The following AGMO variants were observed in gnomAD, a reference collection of about 807,000 sequenced individuals.
AGMO encodes the protein glyceryl-ether monooxygenase.
A neutral mutation model predicts 60.2 loss-of-function variants in AGMO; 75 were observed. The ratio of observed to expected loss-of-function variants is 1.25; its 90% CI spans 1.03 to 1.51. AGMO has a LOEUF of 1.51. AGMO is among the 40% of genes most tolerant of loss of function. AGMO has a pLI of 0.00. For synonymous variants in AGMO, 261 were observed against 177.1 expected (o/e 1.47, Z -3.76); for missense variants, 763 against 525.5 (o/e 1.45, Z -4.42).
chr7:15,549,006 A>G (rs1234428430), intron 2 of AGMO, among the ~76,000 whole-genome samples: 7 of 151,018 alleles, frequency 4.6e-5, no homozygotes, highest in East Asian at 1.9e-4. Context: ...AGTGGGGGCC[A>G]ATATTCAACA....
the AGMO span, among the ~76,000 whole-genome samples, chr7:15,162,951 C>T: frequency 1.3e-5 from 2 of 152,004 alleles, no homozygotes; most frequent in Non-Finnish European, 2.9e-5. Flanking sequence ...AATGCATTAC[C>T]ATGGGATGTT....
chr7:15,201,417 C>A, intron 12 of AGMO, 58 bp from the exon 13 acceptor site: 1 of 1,203,024 alleles, frequency 8.3e-7, no homozygotes, highest in South Asian at 1.3e-5. Flanking sequence ...TACTATTGCT[C>A]AACTGAATTA....
At chr7:15,322,466 A>AT (rs1781141403) in intron 12 of AGMO, among the ~76,000 whole-genome samples, 10 of 79,290 alleles carry the variant, frequency 1.3e-4, no homozygotes, top group Admixed American at 2.0e-4. Context: ...AAATATATAT[A>AT]AATATATAAA....
At chr7:15,349,050 A>G (rs955554895) in intron 12 of AGMO, among the ~76,000 whole-genome samples, 29 of 152,268 alleles carry the variant, frequency 1.9e-4, no homozygotes, top group Middle Eastern at 3.4e-3. Context: ...TCAATGATTT[A>G]TAAGTAACAC....
intron 3 of AGMO, among the ~76,000 whole-genome samples, chr7:15,443,745 C>T (rs753060483): frequency 6.6e-6 from 1 of 152,098 alleles, no homozygotes; most frequent in Non-Finnish European, 1.5e-5. Context: ...TTTACATTTT[C>T]AAATACCTGA....
chr7:15,284,241 C>T (rs766355500), intron 12 of AGMO, among the ~76,000 whole-genome samples: 4 of 151,674 alleles, frequency 2.6e-5, no homozygotes, highest in Non-Finnish European at 5.9e-5. Flanking sequence ...CAAAGCAGAA[C>T]AAAATAAAAT....
intron 12 of AGMO, among the ~76,000 whole-genome samples, chr7:15,355,032 G>T (rs1267979545): frequency 6.6e-6 from 1 of 152,010 alleles, no homozygotes; most frequent in African/African-American, 2.4e-5. Flanking sequence ...TTGAAGAGAA[G>T]ATTCCTGCAC....
At chr7:15,321,835 T>A (rs968743690) in intron 12 of AGMO, among the ~76,000 whole-genome samples, 1 of 152,096 alleles carries the variant, frequency 6.6e-6, no homozygotes, top group African/African-American at 2.4e-5. Flanking sequence ...TAGTAAATAG[T>A]CGATTTTTCT....
chr7:15,354,519 T>C (rs1443115420), intron 12 of AGMO, among the ~76,000 whole-genome samples: 10 of 103,584 alleles, frequency 9.7e-5, no homozygotes, highest in Non-Finnish European at 1.0e-4. Context: ...TATATATATA[T>C]ATATATATAT....
At chr7:15,468,968 C>T (rs1251809353) in intron 3 of AGMO, among the ~76,000 whole-genome samples, 1 of 152,010 alleles carries the variant, frequency 6.6e-6, no homozygotes, top group Non-Finnish European at 1.5e-5. Flanking sequence ...ATTAAGAATT[C>T]TATTTAAATT....
chr7:15,524,953 A>G (rs1391016033), intron 3 of AGMO, among the ~76,000 whole-genome samples: 2 of 152,034 alleles, frequency 1.3e-5, no homozygotes, highest in African/African-American at 4.8e-5. Context: ...TGTATGTAAA[A>G]TTTATAATAC....
chr7:15,534,258 C>T (rs1427247695), intron 3 of AGMO, among the ~76,000 whole-genome samples: 2 of 151,744 alleles, frequency 1.3e-5, no homozygotes, highest in Admixed American at 6.6e-5. Flanking sequence ...CAACAAAAGA[C>T]ATTTTAAAAT....
chr7:15,526,819 C>T (rs1784140988), intron 3 of AGMO, among the ~76,000 whole-genome samples: 1 of 152,170 alleles, frequency 6.6e-6, no homozygotes, highest in South Asian at 2.1e-4. Flanking sequence ...AGCATGTGCT[C>T]ACTTTGTGTC....
chr7:15,208,893 A>C (rs1781506885), intron 12 of AGMO, among the ~76,000 whole-genome samples: 1 of 152,198 alleles, frequency 6.6e-6, no homozygotes, highest in Non-Finnish European at 1.5e-5. Context: ...TAAGTGTCCT[A>C]ACAGAACTCT....
At chr7:15,488,326 T>A (rs1424391141) in intron 3 of AGMO, among the ~76,000 whole-genome samples, 1 of 152,344 alleles carries the variant, frequency 6.6e-6, no homozygotes, top group African/African-American at 2.4e-5. Context: ...TCATTCACAA[T>A]GCATACTTAA....
chr7:15,381,175 A>G (rs1472804785), intron 10 of AGMO, among the ~76,000 whole-genome samples: 1 of 152,194 alleles, frequency 6.6e-6, no homozygotes, highest in Admixed American at 6.5e-5. Context: ...AAAAATTAAC[A>G]AATGGGATCT....
At chr7:15,185,770 G>C in the AGMO span, among the ~76,000 whole-genome samples, 6 of 152,170 alleles carry the variant, frequency 3.9e-5, no homozygotes, top group African/African-American at 1.4e-4. Flanking sequence ...AAGAATATGT[G>C]CCTTGTTTTC....
chr7:15,335,516 G>A (rs187030046), intron 12 of AGMO, among the ~76,000 whole-genome samples: 20 of 152,072 alleles, frequency 1.3e-4, no homozygotes, highest in Admixed American at 1.1e-3. Context: ...AGATTCCACC[G>A]GAAAATATTT....
At position 15,284,724 on chromosome 7, in the gene AGMO, G is replaced by A. The variant is rs781745617; in HGVS notation, c.1263+80790C>T. On this transcript the variant is annotated intron_variant, in intron 12 of 12. Transcript: ENST00000342526. Reference sequence around the variant, plus strand: ...AGAATCCTCCCTAACTATCTATGAAGCCATTATCACCCTGATACCAACACT... The same window carrying A: ...AGAATCCTCCCTAACTATCTATGAAACCATTATCACCCTGATACCAACACT... 4.6e-5 allele frequency among the ~76,000 whole-genome samples: 7 copies of A among 151,872 alleles called. No individual in the cohort carries two copies. In the South Asian group the frequency reaches 6.2e-4, roughly 14 times the overall value.
Sources: allele counts gnomAD v4.1 joint callset (sites outside exome capture counted in the v4.1 genomes callset), GRCh38; gene constraint gnomAD v4.1.1; transcripts MANE v1.5; gene names NCBI Gene and HGNC (gene_info 2026-07-23, HGNC 2026-07-21).